The following SMIM36 variants were observed in gnomAD, a reference collection of about 807,000 sequenced individuals.
SMIM36 encodes small integral membrane protein 36.
intron 1 of SMIM36, among the ~76,000 whole-genome samples, chr17:55,494,230 C>T (rs1431190234): frequency 2.6e-5 from 4 of 152,122 alleles, no homozygotes; most frequent in Admixed American, 2.6e-4. Flanking sequence ...GAGACACGCA[C>T]TCCTTTTTTG....
rs369705182 is a variant in SMIM36, at chr17:55,460,701, CA to C, written c.*531+6443del. Among the ~76,000 whole-genome samples the C allele has an allele frequency of 8.6e-3, 1,311 of 151,624 alleles. 19 individuals carry two copies. The highest frequency in any genetic ancestry group is 0.03 in the African/African-American group (1,252 of 41,322). ...TGAAACCCATCTCTACTAAAAAATA[CA>C]AAAAAATTAGCTGGGCATGGTGGTG... On this transcript the variant is annotated intron_variant, in intron 4 of 4. Coordinates refer to ENST00000636752, the Ensembl canonical transcript of SMIM36.
chr17:55,505,119 G>T (rs1222405111), intron 1 of SMIM36, among the ~76,000 whole-genome samples: 2 of 80,878 alleles, frequency 2.5e-5, no homozygotes. Context: ...AGGACCAGAT[G>T]GATTCACAGC....
At chr17:55,462,689 G>T (rs1474657434) in intron 4 of SMIM36, among the ~76,000 whole-genome samples, 1 of 152,166 alleles carries the variant, frequency 6.6e-6, no homozygotes, top group Non-Finnish European at 1.5e-5. Flanking sequence ...TTGAAATAAA[G>T]AACTAAAGCC....
intron 1 of SMIM36, among the ~76,000 whole-genome samples, chr17:55,480,144 A>T (rs1171805556): frequency 6.6e-5 from 10 of 151,938 alleles, no homozygotes; most frequent in Admixed American, 6.6e-4. Context: ...AAGCATACCT[A>T]GATAGCCTGT....
intron 1 of SMIM36, among the ~76,000 whole-genome samples, chr17:55,482,106 T>G (rs932007636): frequency 6.6e-6 from 1 of 152,176 alleles, no homozygotes; most frequent in African/African-American, 2.4e-5. Flanking sequence ...TCAATTGAAG[T>G]TGGTGAGCTA....
chr17:55,515,300 C>T (rs1444836825), upstream of SMIM36, among the ~76,000 whole-genome samples: 1 of 152,068 alleles, frequency 6.6e-6, no homozygotes, highest in Non-Finnish European at 1.5e-5. Context: ...CCACCCTTCT[C>T]AGCCTCCTAC....
intron 4 of SMIM36, among the ~76,000 whole-genome samples, chr17:55,458,712 C>T (rs1024771488): frequency 5.3e-5 from 8 of 152,072 alleles, no homozygotes; most frequent in African/African-American, 1.7e-4. Flanking sequence ...AGAGCATGCC[C>T]GCAGGCAGTG....
intron 1 of SMIM36, among the ~76,000 whole-genome samples, chr17:55,487,849 T>C (rs1466135647): frequency 6.6e-6 from 1 of 152,190 alleles, no homozygotes; most frequent in Non-Finnish European, 1.5e-5. Context: ...TGCAGCTGAC[T>C]ACTTGGAGGA....
intron 4 of SMIM36, 123 bp downstream of exon 4, chr17:55,467,022 C>T (rs1567863837): frequency 6.6e-6 from 1 of 152,116 alleles, no homozygotes. Flanking sequence ...AGACAACATA[C>T]AGAGGAACTG....
At chr17:55,508,283 A>G (rs1295865587) in intron 1 of SMIM36, among the ~76,000 whole-genome samples, 7 of 151,748 alleles carry the variant, frequency 4.6e-5, no homozygotes, top group Non-Finnish European at 1.0e-4. Flanking sequence ...CTTGTTTTCT[A>G]CCTCTAAGAG....
At position 55,472,495 on chromosome 17, in the gene SMIM36, C is replaced by T. The variant is rs376858085; in HGVS notation, c.*348-5167G>A. Among the ~76,000 whole-genome samples, 6 of 152,328 alleles carry T rather than the reference C, an allele frequency of 3.9e-5. No individual in the cohort carries two copies. The South Asian group carries it at 6.2e-4, about 16-fold the overall frequency. ...CAATGCCTTCCTAATAAGGGCCCTC[C>T]TTAAGGCTGCTCTGCTGCCGGCCAA... On this transcript the variant is annotated intron_variant, in intron 3 of 4. Transcript: ENST00000636752.
the SMIM36 span, among the ~76,000 whole-genome samples, chr17:55,518,739 T>C: frequency 6.6e-6 from 1 of 152,050 alleles, no homozygotes; most frequent in Non-Finnish European, 1.5e-5. Context: ...TATGAAAGCA[T>C]CATGCGAGCC....
At chr17:55,531,012 T>C in the SMIM36 span, among the ~76,000 whole-genome samples, 2 of 152,170 alleles carry the variant, frequency 1.3e-5, no homozygotes, top group Admixed American at 6.5e-5. Flanking sequence ...TTCCCCACAA[T>C]CATGACAAAA....
chr17:55,512,140 C>T (rs1362332193), upstream of SMIM36, among the ~76,000 whole-genome samples: 1 of 152,122 alleles, frequency 6.6e-6, no homozygotes, highest in Admixed American at 6.5e-5. Context: ...CATGCAGAAG[C>T]AACATTTAAC....
At chr17:55,469,613 G>A (rs1190552417) in intron 3 of SMIM36, among the ~76,000 whole-genome samples, 6 of 152,152 alleles carry the variant, frequency 3.9e-5, no homozygotes, top group African/African-American at 1.4e-4. Context: ...AGACAGCCAA[G>A]CAACAATGTA....
intron 3 of SMIM36, among the ~76,000 whole-genome samples, chr17:55,478,192 C>A (rs554213796): frequency 2.0e-5 from 3 of 150,334 alleles, no homozygotes; most frequent in Admixed American, 6.6e-5. Flanking sequence ...CTCCTCCCCC[C>A]ACCCAAAAAA....
the SMIM36 span, among the ~76,000 whole-genome samples, chr17:55,523,508 C>G: frequency 1.4e-5 from 2 of 142,502 alleles, no homozygotes; most frequent in Non-Finnish European, 3.0e-5. Context: ...CCAGCTTGGG[C>G]GACAGAGTGA....
chr17:55,485,266 T>C (rs1909584680), intron 1 of SMIM36, among the ~76,000 whole-genome samples: 1 of 152,142 alleles, frequency 6.6e-6, no homozygotes, highest in African/African-American at 2.4e-5. Flanking sequence ...AAAATAAAAA[T>C]CTAAATCTGA....
chr17:55,492,170 G>T lies in SMIM36; in HGVS notation c.*175-12590C>A, dbSNP rs1182852692. On this transcript the variant is annotated intron_variant, in intron 1 of 4. Coordinates refer to ENST00000636752, the Ensembl canonical transcript of SMIM36. Reference sequence around the variant, plus strand: ...TGAGAAACCATCTCAAAAAAAAAAAGAAAAAATTAAAATAAAGAGAGCAAA... The same window carrying T: ...TGAGAAACCATCTCAAAAAAAAAAATAAAAAATTAAAATAAAGAGAGCAAA... Among the ~76,000 whole-genome samples, 7 of 144,832 alleles carry T rather than the reference G, an allele frequency of 4.8e-5. No homozygotes were observed. The South Asian group carries it at 1.6e-3, about 32-fold the overall frequency.
Sources: allele counts gnomAD v4.1 joint callset (sites outside exome capture counted in the v4.1 genomes callset), GRCh38; gene constraint gnomAD v4.1.1; transcripts MANE v1.5; gene names NCBI Gene and HGNC (gene_info 2026-07-23, HGNC 2026-07-21).